LAPTM4B: variants seen among roughly 807,000 people sequenced by gnomAD.
LAPTM4B encodes lysosomal protein transmembrane 4 beta.
LAPTM4B carries 26 observed loss-of-function variants against 28.5 expected under a neutral mutation model. The ratio of observed to expected loss-of-function variants is 0.91; its 90% CI spans 0.67 to 1.27. The LOEUF (loss-of-function observed/expected upper bound fraction) is 1.27, where lower values mean the gene tolerates loss of function less well. Ranked by LOEUF, LAPTM4B falls within the 50% of genes most tolerant of loss-of-function variation. LAPTM4B has a pLI of 0.00. For missense variants in LAPTM4B, 288 were observed against 285.8 expected, an observed-to-expected ratio of 1.01 and a Z score of -0.06; for synonymous variants, 109 against 106.4, an observed-to-expected ratio of 1.02 and a Z score of -0.15.
chr8:97,798,469 T>C (rs1334077482), intron 1 of LAPTM4B, among the ~76,000 whole-genome samples: 1 of 152,126 alleles, frequency 6.6e-6, no homozygotes, highest in Non-Finnish European at 1.5e-5. Flanking sequence ...TGATGTGTAA[T>C]GAGCTTACCT....
At chr8:97,847,824 C>T (rs1817454528) in intron 6 of LAPTM4B, among the ~76,000 whole-genome samples, 1 of 152,156 alleles carries the variant, frequency 6.6e-6, no homozygotes, top group Non-Finnish European at 1.5e-5. Flanking sequence ...ATTTTGCAAT[C>T]AGTATTTAGT....
rs758323028 is a variant in LAPTM4B, at chr8:97,851,437, C to T, written c.644C>T (p.Ala215Val). 1.2e-6 allele frequency: 2 copies of T among 1,614,158 alleles called. No homozygotes were observed. The highest frequency in any genetic ancestry group is 1.7e-6 in the Non-Finnish European group (2 of 1,180,006). Residue 215 changes from alanine to valine, a missense_variant, in exon 7 of 7, where the codon GCT becomes GTT. Physicochemically the swap from Ala to Val is moderately conservative, Grantham distance 64. Coordinates refer to ENST00000521545, the MANE Select transcript of LAPTM4B (RefSeq NM_018407.6). ...TATGATGATGCCACTGTGAATGGTG[C>T]TGCCAAGGAGCCACCGCCACCTTAC... The part of the protein sequence containing the change: ...PPYDDATVNG[A>V]AKEPPPPYVS...
intron 1 of LAPTM4B, among the ~76,000 whole-genome samples, chr8:97,787,527 A>G (rs1337123356): frequency 3.3e-5 from 5 of 152,016 alleles, no homozygotes; most frequent in African/African-American, 4.8e-5. Flanking sequence ...CTCATGATCC[A>G]TCCGCCTCGG....
intron 1 of LAPTM4B, among the ~76,000 whole-genome samples, chr8:97,781,490 CTGGTCTTGA>C (rs1816319473): frequency 6.6e-6 from 1 of 151,126 alleles, no homozygotes; most frequent in Non-Finnish European, 1.5e-5. Context: ...GTTGGCCAGG[CTGGTCTTGA>C]ACTCCTGACC....
intron 6 of LAPTM4B, among the ~76,000 whole-genome samples, chr8:97,826,353 G>A (rs1012102117): frequency 2.0e-5 from 3 of 152,126 alleles, no homozygotes; most frequent in African/African-American, 7.2e-5. Flanking sequence ...AGAATTCTGT[G>A]TATTGATTAC....
At chr8:97,784,829 C>G (rs1816376751) in intron 1 of LAPTM4B, among the ~76,000 whole-genome samples, 1 of 152,126 alleles carries the variant, frequency 6.6e-6, no homozygotes, top group African/African-American at 2.4e-5. Flanking sequence ...TCTCTAGATA[C>G]AAACTATAGT....
intron 6 of LAPTM4B, among the ~76,000 whole-genome samples, chr8:97,844,674 T>C (rs1480648946): frequency 6.6e-6 from 1 of 152,166 alleles, no homozygotes; most frequent in African/African-American, 2.4e-5. Context: ...TTAGTGTCTA[T>C]ACTGCACGTG....
intron 1 of LAPTM4B, among the ~76,000 whole-genome samples, chr8:97,795,287 A>C (rs775072049): frequency 6.6e-6 from 1 of 151,854 alleles, no homozygotes; most frequent in Non-Finnish European, 1.5e-5. Flanking sequence ...TATTTGTCTC[A>C]TTATGTTGCC....
At chr8:97,851,244 G>A (rs1187230513) in intron 6 of LAPTM4B, among the ~76,000 whole-genome samples, 153 bp from the exon 7 acceptor site, 2 of 152,230 alleles carry the variant, frequency 1.3e-5, no homozygotes, top group Non-Finnish European at 2.9e-5. Context: ...GATTCAAAAA[G>A]TCTTTTAATG....
intron 5 of LAPTM4B, among the ~76,000 whole-genome samples, chr8:97,824,005 C>T (rs1001546690): frequency 5.5e-4 from 83 of 152,030 alleles, no homozygotes; most frequent in African/African-American, 2.0e-3. Flanking sequence ...TGGCCCCGCC[C>T]CATTATTTTT....
intron 1 of LAPTM4B, among the ~76,000 whole-genome samples, chr8:97,802,813 A>G (rs1816705829): frequency 6.6e-6 from 1 of 152,134 alleles, no homozygotes; most frequent in African/African-American, 2.4e-5. Flanking sequence ...TTATATGTAT[A>G]TGTATACTCT....
At chr8:97,835,628 A>T (rs1452223861) in intron 6 of LAPTM4B, among the ~76,000 whole-genome samples, 4 of 152,160 alleles carry the variant, frequency 2.6e-5, no homozygotes, top group Non-Finnish European at 4.4e-5. Flanking sequence ...GTGCTGGCAC[A>T]TTTTCCTTGA....
chr8:97,778,391 A>G (rs1001258750), intron 1 of LAPTM4B, among the ~76,000 whole-genome samples: 4 of 151,494 alleles, frequency 2.6e-5, no homozygotes, highest in Non-Finnish European at 5.9e-5. Context: ...TTTAACCTGA[A>G]TTGACTCTCC....
In LAPTM4B at chr8:97,775,977, T is replaced by TGC; in HGVS notation, c.-24_-23dup. On this transcript the variant is annotated 5_prime_UTR_variant, in exon 1 of 7. Coordinates refer to ENST00000521545, the MANE Select transcript of LAPTM4B (RefSeq NM_018407.6). ...GAGGCGGTCGACGCTCCTGAAAACT[T>TGC]GCGCGCGCGCTCGCGCCACTGCGCC... is the stretch of plus-strand genomic sequence containing the variant. 3 of 1,546,790 alleles carry TGC rather than the reference T, an allele frequency of 1.9e-6. No individual in the cohort carries two copies. The highest frequency in any genetic ancestry group is 2.6e-6 in the Non-Finnish European group (3 of 1,154,434).
chr8:97,798,620 T>G (rs1816626902), intron 1 of LAPTM4B, among the ~76,000 whole-genome samples: 1 of 151,812 alleles, frequency 6.6e-6, no homozygotes, highest in South Asian at 2.1e-4. Flanking sequence ...CTGCAGCATT[T>G]ATGACACTGG....
intron 6 of LAPTM4B, among the ~76,000 whole-genome samples, chr8:97,833,267 C>T (rs1586342111): frequency 1.3e-5 from 2 of 151,878 alleles, no homozygotes; most frequent in South Asian, 4.2e-4. Context: ...CTGGGAGGTT[C>T]ACTTGAACCT....
chr8:97,840,034 C>T lies in LAPTM4B; in HGVS notation c.604-11363C>T, dbSNP rs554074836. Among the ~76,000 whole-genome samples the T allele has an allele frequency of 1.1e-3, 161 of 152,224 alleles. 3 individuals are homozygous for T. The South Asian group carries it at 0.033, about 31-fold the overall frequency. On this transcript the variant is annotated intron_variant, in intron 6 of 6. Coordinates refer to ENST00000521545, the MANE Select transcript of LAPTM4B (RefSeq NM_018407.6). The stretch of plus-strand genomic sequence containing the variant: ...GCTGGGCATGGTGGGATTGTATCCC[C>T]CTGGAACGGTTGTTGTCGTGAAGGA...
At chr8:97,834,828 G>A (rs115530525) in intron 6 of LAPTM4B, among the ~76,000 whole-genome samples, 4,295 of 152,282 alleles carry the variant, frequency 0.028, 203 homozygotes, top group African/African-American at 0.099. Flanking sequence ...TCTCCAGGCA[G>A]CCCTGCCTAT....
intron 3 of LAPTM4B, 96 bp from the exon 4 acceptor site, chr8:97,815,962 C>T (rs1056860780): frequency 1.6e-6 from 2 of 1,231,864 alleles, no homozygotes; most frequent in Non-Finnish European, 1.1e-6. Context: ...TCCAATTTTT[C>T]CATTTCCTTT....
Sources: allele counts gnomAD v4.1 joint callset (sites outside exome capture counted in the v4.1 genomes callset), GRCh38; gene constraint gnomAD v4.1.1; transcripts MANE v1.5; gene names NCBI Gene and HGNC (gene_info 2026-07-23, HGNC 2026-07-21).